The following ACO2 variants were observed in gnomAD, a reference collection of about 807,000 sequenced individuals.
ACO2 encodes the protein aconitase 2.
In ACO2, 31 loss-of-function variants were observed where a neutral mutation model predicts 84.5. That is an observed-to-expected ratio of 0.37 (90% confidence interval 0.28 to 0.50). The LOEUF (loss-of-function observed/expected upper bound fraction) is 0.50, where lower values mean the gene tolerates loss of function less well. Among genes scored for constraint, ACO2 ranks in the 20% least tolerant of loss-of-function variants. The pLI is 0.97. For synonymous variants in ACO2, 414 were observed against 412.7 expected (o/e 1.00, Z -0.04); for missense variants, 685 against 1,029.3 (o/e 0.67, Z 4.58).
chr22:41,481,043 TG>T (rs1213443075), intron 1 of ACO2, among the ~76,000 whole-genome samples: 1 of 152,028 alleles, frequency 6.6e-6, no homozygotes, highest in African/African-American at 2.4e-5. Flanking sequence ...GGCTCAGGAG[TG>T]GTGGTGATCC....
Position 41,499,823 on chromosome 22 carries a change from A to T in ACO2, c.134A>T (p.Tyr45Phe). 6.2e-7 allele frequency: 1 copy of T among 1,614,168 alleles called. No individual in the cohort carries two copies. The highest frequency in any genetic ancestry group is 2.2e-5 in the East Asian group (1 of 44,880). The change falls in exon 2 of 18, where the codon TAT becomes TTT. Residue 45 changes from tyrosine to phenylalanine, a missense_variant. Coordinates refer to ENST00000216254, the MANE Select transcript of ACO2 (RefSeq NM_001098.3). ...SHFEPNEYIH[Y>F]DLLEKNINIV... ...TTTGAGCCCAACGAGTACATCCATT[A>T]TGACCTGCTAGAGAAGAACATTAAC...
intron 17 of ACO2, 53 bp downstream of exon 17, chr22:41,528,075 T>A: frequency 6.2e-7 from 1 of 1,612,060 alleles, no homozygotes; most frequent in Non-Finnish European, 8.5e-7. Flanking sequence ...GCCACCTTGT[T>A]TCCCCTCCTG....
chr22:41,477,311 G>A (rs1405217049), intron 1 of ACO2, among the ~76,000 whole-genome samples: 1 of 151,112 alleles, frequency 6.6e-6, no homozygotes, highest in Admixed American at 6.6e-5. Context: ...CCGCCACCAC[G>A]CCCAGCTAAT....
intron 1 of ACO2, among the ~76,000 whole-genome samples, chr22:41,476,818 C>G (rs1020813132): frequency 6.6e-6 from 1 of 151,886 alleles, no homozygotes; most frequent in African/African-American, 2.4e-5. Flanking sequence ...ACAGATTTTC[C>G]CCTTGTAGAA....
At chr22:41,481,173 G>A (rs2038082990) in intron 1 of ACO2, among the ~76,000 whole-genome samples, 1 of 152,152 alleles carries the variant, frequency 6.6e-6, no homozygotes, top group Non-Finnish European at 1.5e-5. Context: ...GAGAGGTAAA[G>A]AATCTTACCT....
rs1014527601 is a variant in ACO2, at chr22:41,509,884, A to G, written c.432+1835A>G. On this transcript the variant is annotated intron_variant, in intron 3 of 17. Transcript: ENST00000216254. ...CCAGGCTGGAGTGCAGTGACACACA[A>G]TCTCGGCTCACTGCAATCTCGGCTC... 1.6e-4 allele frequency among the ~76,000 whole-genome samples: 24 copies of G among 147,760 alleles called. 1 individual carries two copies. The highest frequency in any genetic ancestry group is 3.5e-3 in the Middle Eastern group (1 of 284).
chr22:41,479,312 A>G (rs1236158065), intron 1 of ACO2, among the ~76,000 whole-genome samples: 1 of 152,186 alleles, frequency 6.6e-6, no homozygotes, highest in Non-Finnish European at 1.5e-5. Context: ...TTGAGCAATC[A>G]GGCCCTCTGT....
chr22:41,496,804 A>G (rs998270202), intron 1 of ACO2, among the ~76,000 whole-genome samples: 15 of 152,076 alleles, frequency 9.9e-5, no homozygotes, highest in Non-Finnish European at 1.8e-4. Flanking sequence ...CCCCTGCCAT[A>G]GGTTAGAATG....
At chr22:41,485,657 A>T (rs956673783) in intron 1 of ACO2, among the ~76,000 whole-genome samples, 1 of 151,314 alleles carries the variant, frequency 6.6e-6, no homozygotes, top group Non-Finnish European at 1.5e-5. Flanking sequence ...GTTAGCCAGG[A>T]TGGTCTCGAT....
intron 1 of ACO2, among the ~76,000 whole-genome samples, chr22:41,487,817 C>G (rs2066241149): frequency 6.6e-6 from 1 of 152,096 alleles, no homozygotes; most frequent in Non-Finnish European, 1.5e-5. Flanking sequence ...CCTGATCTCA[C>G]CGTGCATGCC....
chr22:41,523,065 C>G, intron 10 of ACO2, 78 bp downstream of exon 10: 1 of 1,583,100 alleles, frequency 6.3e-7, no homozygotes, highest in Admixed American at 1.7e-5. Context: ...GCCCAGAGGC[C>G]TGTTGGGCCG....
intron 8 of ACO2, among the ~76,000 whole-genome samples, chr22:41,519,877 G>A (rs2066508483): frequency 6.6e-6 from 1 of 151,954 alleles, no homozygotes; most frequent in Non-Finnish European, 1.5e-5. Flanking sequence ...TGACAGCCTT[G>A]ATCCATTCCA....
chr22:41,516,322 C>CT (rs1739342433), intron 6 of ACO2, among the ~76,000 whole-genome samples: 1 of 152,220 alleles, frequency 6.6e-6, no homozygotes, highest in African/African-American at 2.4e-5. Flanking sequence ...GGCCCACATC[C>CT]TCCCTTCGCT....
rs369227462 is a variant in ACO2 at position 41,507,676 on chromosome 22, A to G, written c.174-115A>G. Reference sequence around the variant, plus strand: ...AGTGGAACGTTGAGGTCCTGAGTTCAGACTCCCTGTCCCTGGCCACTGTTG... The same window carrying G: ...AGTGGAACGTTGAGGTCCTGAGTTCGGACTCCCTGTCCCTGGCCACTGTTG... On this transcript the variant is annotated intron_variant, in intron 2 of 17. Transcript: ENST00000216254. 4.5e-5 allele frequency: 65 copies of G among 1,432,668 alleles called. No individual in the cohort carries two copies. The South Asian group carries it at 5.6e-4, about 12-fold the overall frequency. 88.7% of individuals were successfully genotyped at this position (1,432,668 alleles called of 1,614,324 possible).
rs541531407 is a variant in ACO2, at chr22:41,503,885, G to A, written c.174-3906G>A. 8.7e-4 allele frequency among the ~76,000 whole-genome samples: 132 copies of A among 152,316 alleles called. 1 individual carries two copies. Among genetic ancestry groups the A allele is most frequent in the African/African-American group, 3.1e-3 (130 of 41,576 alleles). On this transcript the variant is annotated intron_variant, in intron 2 of 17. Coordinates refer to ENST00000216254, the MANE Select transcript of ACO2 (RefSeq NM_001098.3). ...TGCCCTGGCTGAGAAACCCTGACAC[G>A]GAGAAAGAGGGCAGAGGTGAGGTTA...
chr22:41,519,322 T>C (rs975326650), intron 8 of ACO2, among the ~76,000 whole-genome samples: 9 of 152,186 alleles, frequency 5.9e-5, no homozygotes, highest in African/African-American at 2.2e-4. Flanking sequence ...GTGGCCTTGG[T>C]CACGCACTTA....
At position 41,496,304 on chromosome 22, in the gene ACO2, A is replaced by G. The variant is rs533459796; in HGVS notation, c.37-3422A>G. Among the ~76,000 whole-genome samples, 4 of 152,274 alleles carry G rather than the reference A, an allele frequency of 2.6e-5. No homozygotes were observed. In the South Asian group the frequency reaches 6.2e-4, roughly 24 times the overall value. On this transcript the variant is annotated intron_variant, in intron 1 of 17. Transcript: ENST00000216254. ...CACTCCAGCCTGGGCGATGAGAGCAAGACCCTGTCTCAAAAAAAAAGTAAA... is the reference window on the plus strand; with the variant it reads ...CACTCCAGCCTGGGCGATGAGAGCAGGACCCTGTCTCAAAAAAAAAGTAAA...
intron 4 of ACO2, among the ~76,000 whole-genome samples, chr22:41,513,100 C>A (rs943902559): frequency 4.6e-5 from 7 of 152,264 alleles, no homozygotes; most frequent in African/African-American, 1.7e-4. Context: ...GTGGAATGGC[C>A]GTTTGCAGCG....
chr22:41,517,142 C>A (rs1433207801), intron 6 of ACO2, among the ~76,000 whole-genome samples: 1 of 152,176 alleles, frequency 6.6e-6, no homozygotes, highest in Non-Finnish European at 1.5e-5. Context: ...CCAGTTCCTC[C>A]CCTGCCAAAA....
Sources: gnomAD v4.1 joint callset for allele counts (sites outside exome capture counted in the v4.1 genomes callset) on GRCh38, gnomAD v4.1.1 for gene constraint, MANE v1.5 for transcripts, NCBI Gene and HGNC (gene_info 2026-07-23, HGNC 2026-07-21) for gene names.